Variants in ATG2A observed in about 807,000 individuals in gnomAD.
ATG2A encodes autophagy-related protein 2 homolog A.
ATG2A carries 103 observed loss-of-function variants against 214.2 expected under a neutral mutation model. That is an observed-to-expected ratio of 0.48 (90% CI 0.41 to 0.57). The LOEUF is 0.57. ATG2A is among the 20% of genes least tolerant of loss of function. The pLI, the probability that ATG2A is intolerant of heterozygous loss-of-function variation, is 0.00. For missense variants in ATG2A, 2,312 were observed against 2,613.2 expected (o/e 0.88, Z 2.51); for synonymous variants, 1,160 against 1,142.1 (o/e 1.02, Z -0.32).
rs1240482187 is a variant in ATG2A at position 64,904,555 on chromosome 11, AT to A, written c.3465-896del. Among the ~76,000 whole-genome samples the A allele has an allele frequency of 5.9e-5, 9 of 152,196 alleles. No individual in the cohort carries two copies. The South Asian group carries it at 6.2e-4, about 11-fold the overall frequency. ...CGAGACTCTGTCTCAAAAAAAAAAA[AT>A]AAATAAAAAAGTCTTTATTTTAAGG... On this transcript the variant is annotated intron_variant, in intron 24 of 40. Coordinates refer to ENST00000377264, the MANE Select transcript of ATG2A (RefSeq NM_015104.3).
chr11:64,897,668 T>TA lies in ATG2A; in HGVS notation c.5067+2dup. ...GGCCACCCCATCCGACCGCCCCACT[T>TA]ACCACCTGGTCCATCGTGACGTGCT... On this transcript the variant is annotated splice_region_variant and intron_variant, in intron 36 of 40. Transcript: ENST00000377264. The TA allele has an allele frequency of 6.2e-7, 1 of 1,614,200 alleles. No individual in the cohort carries two copies. Among genetic ancestry groups the TA allele is most frequent in the Non-Finnish European group, 8.5e-7 (1 of 1,180,020 alleles).
chr11:64,914,927 G>T (rs369406557), intron 1 of ATG2A, among the ~76,000 whole-genome samples: 1 of 151,492 alleles, frequency 6.6e-6, no homozygotes, highest in African/African-American at 2.4e-5. Context: ...TGGGGAAGAC[G>T]CCTAACCCAG....
chr11:64,898,347 G>A lies in ATG2A; in HGVS notation c.4687C>T (p.Leu1563=). ...AGGTTGGTAGTGGGGGCCACATGCA[G>A]CGCTTTGATGGTGAGCTGGGAGCAG... The part of the protein sequence containing the change: ...AHSNMLTIKA[L]HVAPTTNLGG... Residue 1563 remains leucine, a synonymous_variant, in exon 33 of 41, where the codon CTG becomes TTG. Transcript: ENST00000377264. This position sits in a 1 kb window ranked among gnomAD's most constrained non-coding sequence, Gnocchi z 4.5. 6.2e-7 allele frequency: 1 copy of A among 1,605,288 alleles called. No homozygotes were observed. The highest frequency in any genetic ancestry group is 1.3e-5 in the African/African-American group (1 of 74,502).
At position 64,910,896 on chromosome 11, in the gene ATG2A, G is replaced by A. The variant is rs775735758; in HGVS notation, c.1525C>T (p.Arg509Trp). Residue 509 changes from arginine to tryptophan, a missense_variant, in exon 11 of 41, where the codon CGG becomes TGG. Physicochemically the swap from Arg to Trp is moderately radical, Grantham distance 101. Coordinates refer to ENST00000377264, the MANE Select transcript of ATG2A (RefSeq NM_015104.3). ...AAGTGCACTTCCATGCTGGTTGTCC[G>A]CCGGCCCCGACTGCCCGTCCGCAGC... ...WELRTGSRGR[R>W]TTSMEVHFGQ... 18 of 1,610,876 alleles carry A rather than the reference G, an allele frequency of 1.1e-5. No homozygotes were observed. The highest frequency in any genetic ancestry group is 9.9e-5 in the South Asian group (9 of 90,736).
chr11:64,916,425 T>A (rs1944987833), intron 1 of ATG2A, among the ~76,000 whole-genome samples: 1 of 152,154 alleles, frequency 6.6e-6, no homozygotes, highest in Admixed American at 6.5e-5. Flanking sequence ...TGATCAACAC[T>A]GGTACTGACG....
At position 64,910,687 on chromosome 11, in the gene ATG2A, G is replaced by A. The variant is rs368175031; in HGVS notation, c.1636C>T (p.Leu546=). The A allele has an allele frequency of 1.2e-6, 2 of 1,610,390 alleles. No individual in the cohort carries two copies. The highest frequency in any genetic ancestry group is 1.1e-5 in the South Asian group (1 of 90,460). ...GGCCGAGCTGAGGCCTGGGAGCCCA[G>A]CGTACCAGGAAAGGTCAGGATCTGG... ...YTEILTFPGT[L]GSQASARPCA... The change falls in exon 12 of 41, where the codon CTG becomes TTG. Residue 546 remains leucine (L), a synonymous_variant. Coordinates refer to ENST00000377264, the MANE Select transcript of ATG2A (RefSeq NM_015104.3).
Position 64,913,750 on chromosome 11 carries a change from G to C in ATG2A, c.590+71C>G. On this transcript the variant is annotated intron_variant, in intron 4 of 40. Transcript: ENST00000377264. This position sits in a 1 kb window ranked among gnomAD's most constrained non-coding sequence, Gnocchi z 4.3. ...GCCTCTTCCCAGGAACCTAGGCTGC[G>C]GGTGGGGACCATCCAGCAGCCCCCA... 2 of 1,450,594 alleles carry C rather than the reference G, an allele frequency of 1.4e-6. No homozygotes were observed. Among genetic ancestry groups the C allele is most frequent in the Non-Finnish European group, 1.9e-6 (2 of 1,045,606 alleles). The allele number at this position is 1,450,594 out of a possible 1,614,324, so 89.9% of individuals were successfully genotyped here.
Position 64,902,571 on chromosome 11 carries a change from C to T in ATG2A, c.3722G>A (p.Gly1241Asp). The change falls in exon 27 of 41, where the codon GGC (glycine) becomes GAC (aspartate). Residue 1241 changes from glycine (G) to aspartate (D), a missense_variant. Gly to Asp is a moderately conservative substitution (Grantham distance 94). Transcript: ENST00000377264. ...GGGCCGGGGTGGGGGGTGCAGATCG[C>T]CTGTGCTCATTACGTACTGGAGCAG... ...VNLLQYVMST[G>D]DLHPPPRPPS... is the part of the protein sequence containing the mutation. 2 of 1,591,804 alleles carry T rather than the reference C, an allele frequency of 1.3e-6. No homozygotes were observed. The highest frequency in any genetic ancestry group is 2.3e-4 in the Middle Eastern group (1 of 4,442).
Position 64,907,420 on chromosome 11 carries a change from G to T in ATG2A, c.2667C>A (p.Thr889=). The part of the protein sequence containing the change: ...AFKLANCFDL[T]PDSDSDDEDA... ...CCTCGTCATCCGAGTCCGAGTCTGG[G>T]GTGAGATCAAAGCAGTTGGCTGGGA... The change falls in exon 19 of 41, where the codon ACC becomes ACA. Residue 889 remains threonine (T), a synonymous_variant. Coordinates refer to ENST00000377264, the MANE Select transcript of ATG2A (RefSeq NM_015104.3). 6.3e-7 allele frequency: 1 copy of T among 1,593,528 alleles called. No homozygotes were observed. The highest frequency in any genetic ancestry group is 1.7e-4 in the Middle Eastern group (1 of 6,032).
chr11:64,907,765 G>A lies in ATG2A; in HGVS notation c.2490C>T (p.Tyr830=), dbSNP rs753044289. 3.1e-6 allele frequency: 5 copies of A among 1,613,388 alleles called. No individual in the cohort carries two copies. Among genetic ancestry groups the A allele is most frequent in the East Asian group, 4.5e-5 (2 of 44,884 alleles). ...GTCTCCACCTGTTGTAGATGCTCTCGTAGACCTCCTTGCTGGGCAGAAAGA... is the reference window on the plus strand; with the variant it reads ...GTCTCCACCTGTTGTAGATGCTCTCATAGACCTCCTTGCTGGGCAGAAAGA... ...VHIFLPSKEV[Y]ESIYNRINND... Residue 830 remains tyrosine, a synonymous_variant, in exon 17 of 41, where the codon TAC becomes TAT. Coordinates refer to ENST00000377264, the MANE Select transcript of ATG2A (RefSeq NM_015104.3).
At position 64,906,514 on chromosome 11, in the gene ATG2A, C is replaced by T. The variant is rs75814919; in HGVS notation, c.3003G>A (p.Pro1001=). Reference sequence around the variant, plus strand: ...TGGGAAGGTCCAGGTGACTGGGCAGCGGGTAGTCATCCACGGCCGCTGGGG... The same window carrying T: ...TGGGAAGGTCCAGGTGACTGGGCAGTGGGTAGTCATCCACGGCCGCTGGGG... The part of the protein sequence containing the change: ...LYHRAAVDDY[P]LPSHLDLPSF... Residue 1001 remains proline, a synonymous_variant, in exon 21 of 41, where the codon CCG becomes CCA. Coordinates refer to ENST00000377264, the MANE Select transcript of ATG2A (RefSeq NM_015104.3). The T allele has an allele frequency of 1.5e-5, 24 of 1,613,026 alleles. No homozygotes were observed. The highest frequency in any genetic ancestry group is 9.9e-5 in the South Asian group (9 of 91,066).
chr11:64,897,498 G>A lies in ATG2A; in HGVS notation c.5068-4C>T. ...TGAGGAGGCCAGCAAAAGTGCCCTG[G>A]GAGAGGGAGGGGGTCCAGGTTTACC... On this transcript the variant is annotated splice_polypyrimidine_tract_variant and splice_region_variant and intron_variant, in intron 36 of 40. Coordinates refer to ENST00000377264, the MANE Select transcript of ATG2A (RefSeq NM_015104.3). 4 of 1,581,528 alleles carry A rather than the reference G, an allele frequency of 2.5e-6. No homozygotes were observed. The highest frequency in any genetic ancestry group is 3.4e-6 in the Non-Finnish European group (4 of 1,163,762).
chr11:64,907,709 C>T, intron 17 of ATG2A, 39 bp downstream of exon 17: 1 of 1,608,352 alleles, frequency 6.2e-7, no homozygotes, highest in Non-Finnish European at 8.5e-7. Flanking sequence ...CCAGGCCCAC[C>T]CAGTGTCCAG....
rs201518702 is a variant in ATG2A at position 64,902,038 on chromosome 11, C to G, written c.4043G>C (p.Arg1348Thr). The change falls in exon 29 of 41, where the codon AGG becomes ACG. Residue 1348 changes from arginine (R) to threonine (T), a missense_variant. Transcript: ENST00000377264. Reference sequence around the variant, plus strand: ...GGTGTCTCCATCGCCCTCCTCTTCCCTTTCATCTTCCTTCTCCTCTGAGCA... The same window carrying G: ...GGTGTCTCCATCGCCCTCCTCTTCCGTTTCATCTTCCTTCTCCTCTGAGCA... Reference protein sequence around the residue: ...GSCSEEKEDEREEEGDGDTLD... With the variant: ...GSCSEEKEDETEEEGDGDTLD... 58 of 1,614,038 alleles carry G rather than the reference C, an allele frequency of 3.6e-5. No homozygotes were observed. The highest frequency in any genetic ancestry group is 1.7e-5 in the Admixed American group (1 of 60,022).
chr11:64,900,473 G>A (rs757350063), intron 31 of ATG2A, 21 bp downstream of exon 31: 1 of 1,612,966 alleles, frequency 6.2e-7, no homozygotes, highest in Non-Finnish European at 8.5e-7. Flanking sequence ...ACGTGTAGTA[G>A]GCACTCGCCA....
chr11:64,909,993 C>G, intron 13 of ATG2A, 47 bp downstream of exon 13: 1 of 1,564,878 alleles, frequency 6.4e-7, no homozygotes, highest in African/African-American at 1.3e-5. Flanking sequence ...CCGAAGGACC[C>G]AGGCCCTGCA....
chr11:64,899,884 A>G (rs1450672680), intron 31 of ATG2A, among the ~76,000 whole-genome samples: 1 of 148,756 alleles, frequency 6.7e-6, no homozygotes, highest in South Asian at 2.1e-4. Context: ...TTTGAAACAG[A>G]GTCTTACTCT....
Position 64,903,595 on chromosome 11 carries a change from C to T in ATG2A, c.3530G>A (p.Arg1177Gln), listed in dbSNP as rs147556338. 8.8e-5 allele frequency: 136 copies of T among 1,548,020 alleles called. No individual in the cohort carries two copies. The highest frequency in any genetic ancestry group is 9.8e-5 in the Admixed American group (5 of 50,896). The change falls in exon 25 of 41, where the codon CGG becomes CAG. Residue 1177 changes from arginine (R) to glutamine (Q), a missense_variant. Transcript: ENST00000377264. The surrounding 1 kb of genome is among the most constrained non-coding windows in gnomAD (Gnocchi z 4.2). ...DKCEVETLDL[R>Q]RDYVCVLDVD... ...CCAGTCCCGGCCCTGCCCACCTCGC[C>T]GCAGGTCCAGGGTCTCCACCTCACA...
At chr11:64,906,623 C>T in intron 20 of ATG2A, 42 bp downstream of exon 20, 2 of 1,610,672 alleles carry the variant, frequency 1.2e-6, no homozygotes, top group Admixed American at 1.7e-5. Flanking sequence ...CCTCCACCCC[C>T]AACCCTGGAC....
Sources: allele counts gnomAD v4.1 joint callset (sites outside exome capture counted in the v4.1 genomes callset), GRCh38; gene constraint gnomAD v4.1.1; non-coding constraint Gnocchi (gnomAD v3.1); transcripts MANE v1.5; gene names NCBI Gene and HGNC (gene_info 2026-07-23, HGNC 2026-07-21).